VWC2: variants seen among roughly 807,000 people sequenced by gnomAD.
VWC2 encodes the protein von Willebrand factor C domain containing 2, also known as brorin.
VWC2 carries 14 observed loss-of-function variants against 29.8 expected under a neutral mutation model. That is an observed-to-expected ratio of 0.47 (90% CI 0.31 to 0.74). The LOEUF is 0.74. Ranked by LOEUF, VWC2 falls within the 30% of genes least tolerant of loss-of-function variation. The pLI is 0.05. For synonymous variants in VWC2, 213 were observed against 199.0 expected (o/e 1.07, Z -0.59); for missense variants, 457 against 459.8 (o/e 0.99, Z 0.05).
chr7:49,778,945 T>C (rs1299110129), intron 2 of VWC2, among the ~76,000 whole-genome samples: 5 of 152,204 alleles, frequency 3.3e-5, no homozygotes, highest in African/African-American at 1.2e-4. Context: ...CTGTTTACTT[T>C]AGCAAGGAAG....
chr7:49,809,417 C>A (rs941684112), intron 3 of VWC2, among the ~76,000 whole-genome samples: 3 of 151,988 alleles, frequency 2.0e-5, no homozygotes, highest in African/African-American at 4.8e-5. Context: ...CATATCTTTA[C>A]TGGTGAATTC....
intron 3 of VWC2, among the ~76,000 whole-genome samples, chr7:49,865,439 G>T (rs1189564011): frequency 6.6e-6 from 1 of 152,182 alleles, no homozygotes. Context: ...AAAACGTAGT[G>T]GCTTCAAGTA....
chr7:49,863,428 T>A (rs1251631738), intron 3 of VWC2, among the ~76,000 whole-genome samples: 1 of 152,126 alleles, frequency 6.6e-6, no homozygotes, highest in Non-Finnish European at 1.5e-5. Context: ...CTCTCTCCCT[T>A]TTTTTCTTTT....
chr7:49,829,564 G>A (rs1221447268), intron 3 of VWC2, among the ~76,000 whole-genome samples: 1 of 152,204 alleles, frequency 6.6e-6, no homozygotes, highest in Admixed American at 6.5e-5. Context: ...ATGTTTGGCT[G>A]CAGACTCATT....
intron 3 of VWC2, among the ~76,000 whole-genome samples, chr7:49,858,406 G>A (rs576141353): frequency 5.3e-5 from 8 of 152,014 alleles, no homozygotes; most frequent in Non-Finnish European, 1.2e-4. Context: ...TCCTTTGTAG[G>A]GACATGGATG....
chr7:49,878,067 A>T (rs1791517629), intron 3 of VWC2, among the ~76,000 whole-genome samples: 1 of 151,994 alleles, frequency 6.6e-6, no homozygotes, highest in Non-Finnish European at 1.5e-5. Context: ...GGCTTTTTTC[A>T]GTGACCGCTC....
intron 2 of VWC2, 53 bp downstream of exon 2, chr7:49,776,184 A>G: frequency 7.0e-7 from 1 of 1,428,838 alleles, no homozygotes; most frequent in Middle Eastern, 1.8e-4. Context: ...AAGGGGTGGA[A>G]CAGCTTTGGT....
chr7:49,815,198 C>T (rs1269088028), intron 3 of VWC2, among the ~76,000 whole-genome samples: 2 of 152,156 alleles, frequency 1.3e-5, no homozygotes, highest in Non-Finnish European at 2.9e-5. Context: ...AATGATCTCA[C>T]AGTCTAGAGG....
intron 3 of VWC2, among the ~76,000 whole-genome samples, chr7:49,890,608 G>A (rs532348126): frequency 6.6e-6 from 1 of 152,134 alleles, no homozygotes; most frequent in Middle Eastern, 3.4e-3. Context: ...AATATACTGT[G>A]ACAGTGAAAT....
chr7:49,867,532 T>A (rs914257071), intron 3 of VWC2, among the ~76,000 whole-genome samples: 7 of 152,166 alleles, frequency 4.6e-5, no homozygotes, highest in African/African-American at 1.7e-4. Context: ...AGTCTTCTTG[T>A]TCTGTTAAAA....
chr7:49,824,802 A>C (rs574575921), intron 3 of VWC2, among the ~76,000 whole-genome samples: 1 of 152,162 alleles, frequency 6.6e-6, no homozygotes, highest in Non-Finnish European at 1.5e-5. Context: ...GGAAATGTTT[A>C]AATTTAATTT....
At chr7:49,868,057 C>A (rs887337258) in intron 3 of VWC2, among the ~76,000 whole-genome samples, 1 of 152,102 alleles carries the variant, frequency 6.6e-6, no homozygotes, top group Non-Finnish European at 1.5e-5. Flanking sequence ...TGGTCTCAAA[C>A]TCCCGACCTC....
chr7:49,787,564 G>A (rs2930169), intron 2 of VWC2, among the ~76,000 whole-genome samples: 1 of 152,222 alleles, frequency 6.6e-6, no homozygotes, highest in Non-Finnish European at 1.5e-5. Context: ...GGGATGTGCA[G>A]GGAGCCAGCA....
In VWC2 at chr7:49,872,221, G is replaced by A. The variant is rs560993780; in HGVS notation, c.827-39813G>A. The stretch of plus-strand genomic sequence containing the variant: ...ATTTAAGGAGAGAATTAGTGACATC[G>A]CTGGGGGTGGAGGTGGAGAGACAGA... On this transcript the variant is annotated intron_variant, in intron 3 of 3. Transcript: ENST00000340652. Among the ~76,000 whole-genome samples, 11 of 152,204 alleles carry A rather than the reference G, an allele frequency of 7.2e-5. No individual in the cohort carries two copies. The South Asian group carries it at 1.5e-3, about 20-fold the overall frequency.
At chr7:49,778,845 GA>G (rs1788108600) in intron 2 of VWC2, among the ~76,000 whole-genome samples, 1 of 152,230 alleles carries the variant, frequency 6.6e-6, no homozygotes, top group South Asian at 2.1e-4. Flanking sequence ...AATGAAAAAG[GA>G]AAGCATTCTG....
chr7:49,807,975 C>T (rs922836183), intron 3 of VWC2, among the ~76,000 whole-genome samples: 2 of 152,004 alleles, frequency 1.3e-5, no homozygotes, highest in Non-Finnish European at 2.9e-5. Flanking sequence ...CATCAATTAC[C>T]ATTTTCCCAA....
chr7:49,807,690 A>G (rs1788910309), intron 3 of VWC2, among the ~76,000 whole-genome samples: 1 of 152,236 alleles, frequency 6.6e-6, no homozygotes, highest in South Asian at 2.1e-4. Context: ...AGGAAAACAT[A>G]GAACAGCTTT....
rs1793321946 is a variant in VWC2, at chr7:49,910,020, G to A, written c.827-2014G>A. Among the ~76,000 whole-genome samples the A allele has an allele frequency of 1.3e-5, 2 of 151,942 alleles. 1 individual carries two copies. The highest frequency in any genetic ancestry group is 3.9e-4 in the East Asian group (2 of 5,176). ...GCTACTCAGGAGGCTAAGGTGGGAG[G>A]GTCCCTTGAGCCCAGGAGATTGAAG... On this transcript the variant is annotated intron_variant, in intron 3 of 3. Transcript: ENST00000340652.
At chr7:49,861,709 C>T (rs1790659028) in intron 3 of VWC2, among the ~76,000 whole-genome samples, 1 of 152,228 alleles carries the variant, frequency 6.6e-6, no homozygotes, top group South Asian at 2.1e-4. Context: ...TTCTTTTGCA[C>T]ATGGCTTTCT....
Sources: allele counts gnomAD v4.1 joint callset (sites outside exome capture counted in the v4.1 genomes callset), GRCh38; gene constraint gnomAD v4.1.1; transcripts MANE v1.5; gene names NCBI Gene and HGNC (gene_info 2026-07-23, HGNC 2026-07-21).